EYS: variants seen among roughly 807,000 people sequenced by gnomAD.
The protein encoded by EYS is EGF-like photoreceptor maintenance factor, also known as protein eyes shut homolog.
A neutral mutation model predicts 282.1 loss-of-function variants in EYS; 250 were observed. The ratio of observed to expected loss-of-function variants is 0.89; its 90% CI spans 0.80 to 0.98. The LOEUF is 0.98. EYS is among the 50% of genes least tolerant of loss of function. The pLI, the probability that EYS is intolerant of heterozygous loss-of-function variation, is 0.00. For synonymous variants in EYS, 1,355 were observed against 1,282.9 expected, an observed-to-expected ratio of 1.06 and a Z score of -1.20; for missense variants, 4,016 against 3,709.0, an observed-to-expected ratio of 1.08 and a Z score of -2.15.
chr6:65,372,207 C>A (rs1765185061), intron 8 of EYS, among the ~76,000 whole-genome samples: 1 of 151,784 alleles, frequency 6.6e-6, no homozygotes, highest in Non-Finnish European at 1.5e-5. Flanking sequence ...AGAAGAGAAT[C>A]AAAGGAGCTT....
intron 26 of EYS, among the ~76,000 whole-genome samples, chr6:64,476,741 G>A (rs879257111): frequency 6.6e-6 from 1 of 151,958 alleles, no homozygotes; most frequent in Non-Finnish European, 1.5e-5. Flanking sequence ...TATGTCATAA[G>A]GGAACACACA....
At chr6:64,448,925 G>A (rs768673335) in intron 26 of EYS, among the ~76,000 whole-genome samples, 13 of 152,212 alleles carry the variant, frequency 8.5e-5, no homozygotes, top group Non-Finnish European at 1.8e-4. Flanking sequence ...GCAGAAAAAT[G>A]GGAAACTCTA....
intron 22 of EYS, among the ~76,000 whole-genome samples, chr6:64,703,410 C>CACACACACACACATATATATAT (rs1447947508): frequency 1.9e-5 from 1 of 51,546 alleles, no homozygotes; most frequent in Non-Finnish European, 3.7e-5. Context: ...CACACACACA[C>CACACACACACACATATATATAT]ATATATATAT....
chr6:65,109,806 A>G (rs2150188293), intron 12 of EYS, among the ~76,000 whole-genome samples: 1 of 152,290 alleles, frequency 6.6e-6, no homozygotes, highest in African/African-American at 2.4e-5. Context: ...AAACTCTGCT[A>G]TAGAACCTGC....
intron 12 of EYS, among the ~76,000 whole-genome samples, chr6:65,100,054 G>A (rs1774849159): frequency 6.6e-6 from 1 of 150,776 alleles, no homozygotes; most frequent in Non-Finnish European, 1.5e-5. Flanking sequence ...ATATAGAGAA[G>A]ATACTTTAGA....
intron 22 of EYS, among the ~76,000 whole-genome samples, chr6:64,674,703 G>A (rs1769589499): frequency 6.7e-6 from 1 of 149,860 alleles, no homozygotes; most frequent in Admixed American, 6.7e-5. Flanking sequence ...TCTTTTATCT[G>A]TTATGCCTCT....
Position 63,945,088 on chromosome 6 carries a change from A to T in EYS, c.7055+39295T>A, listed in dbSNP as rs146938104. Among the ~76,000 whole-genome samples the T allele has an allele frequency of 1.8e-3, 267 of 152,322 alleles. 1 individual carries two copies. The highest frequency in any genetic ancestry group is 6.1e-3 in the African/African-American group (253 of 41,580). ...TATTTAATGACAATATGATTTAGCC[A>T]TTATATTAGTACTTTCTCACACTGC... On this transcript the variant is annotated intron_variant, in intron 35 of 42. Transcript: ENST00000503581.
In EYS at chr6:64,663,574, A is replaced by C. The variant is rs926443106; in HGVS notation, c.3444-37329T>G. On this transcript the variant is annotated intron_variant, in intron 22 of 42. Coordinates refer to ENST00000503581, the MANE Select transcript of EYS (RefSeq NM_001142800.2). ...TGGACCTGGCTGATGATGTATTACC[A>C]ATGTCCATATCAGCAAAAAAAGTGA... Among the ~76,000 whole-genome samples the C allele has an allele frequency of 1.3e-5, 2 of 152,158 alleles. 1 individual carries two copies. The highest frequency in any genetic ancestry group is 4.1e-4 in the South Asian group (2 of 4,832).
At chr6:64,871,516 C>T (rs1306628976) in intron 19 of EYS, among the ~76,000 whole-genome samples, 1 of 151,820 alleles carries the variant, frequency 6.6e-6, no homozygotes, top group African/African-American at 2.4e-5. Context: ...AAATGAAATA[C>T]AATACTTTTG....
At position 65,271,814 on chromosome 6, in the gene EYS, C is replaced by T. The variant is rs149973203; in HGVS notation, c.2023+24049G>A. Among the ~76,000 whole-genome samples, 513 of 152,116 alleles carry T rather than the reference C, an allele frequency of 3.4e-3. 2 individuals are homozygous for T. The highest frequency in any genetic ancestry group is 6.5e-3 in the Admixed American group (99 of 15,260). On this transcript the variant is annotated intron_variant, in intron 12 of 42. Transcript: ENST00000503581. Reference sequence around the variant, plus strand: ...GGCCAGGCTAGTCTTGAACTCCTGACGTCAAGCGATCCACCTGCCTCAGCC... The same window carrying T: ...GGCCAGGCTAGTCTTGAACTCCTGATGTCAAGCGATCCACCTGCCTCAGCC...
At chr6:65,402,670 T>G in intron 6 of EYS, 65 bp from the exon 7 acceptor site, 1 of 1,074,288 alleles carries the variant, frequency 9.3e-7, no homozygotes, top group Non-Finnish European at 1.4e-6. Context: ...ATGAATGGGT[T>G]CTTACCTGGA....
intron 35 of EYS, among the ~76,000 whole-genome samples, chr6:63,952,660 T>G (rs2149767300): frequency 6.6e-6 from 1 of 152,310 alleles, no homozygotes; most frequent in Middle Eastern, 3.4e-3. Context: ...TTTAACTAAA[T>G]TATCTGCTTC....
At chr6:64,529,122 G>A (rs1778018130) in intron 26 of EYS, among the ~76,000 whole-genome samples, 2 of 151,866 alleles carry the variant, frequency 1.3e-5, no homozygotes, top group Non-Finnish European at 2.9e-5. Context: ...CTTAGGTCAG[G>A]ATTAAATCTG....
chr6:65,398,441 A>C (rs895813965), intron 7 of EYS, among the ~76,000 whole-genome samples: 4 of 151,924 alleles, frequency 2.6e-5, no homozygotes, highest in African/African-American at 9.7e-5. Context: ...ATAAAACTAG[A>C]CCCCTATCTT....
chr6:64,684,700 C>A (rs1397189773), intron 22 of EYS, among the ~76,000 whole-genome samples: 2 of 151,864 alleles, frequency 1.3e-5, no homozygotes, highest in Non-Finnish European at 2.9e-5. Flanking sequence ...AAGTTTTTGA[C>A]ATTTTATAAG....
At chr6:63,766,715 T>G (rs1582186873) in intron 40 of EYS, among the ~76,000 whole-genome samples, 1 of 152,134 alleles carries the variant, frequency 6.6e-6, no homozygotes, top group Non-Finnish European at 1.5e-5. Flanking sequence ...AGAGAAGGAA[T>G]CTAAGGAAGA....
At chr6:63,878,463 C>T (rs1260584173) in intron 35 of EYS, among the ~76,000 whole-genome samples, 2 of 152,216 alleles carry the variant, frequency 1.3e-5, no homozygotes, top group Non-Finnish European at 1.5e-5. Context: ...ATTCTCAGAT[C>T]TCAAACTCCA....
chr6:64,472,129 A>G (rs1582796112), intron 26 of EYS, among the ~76,000 whole-genome samples: 1 of 152,354 alleles, frequency 6.6e-6, no homozygotes, highest in Non-Finnish European at 1.5e-5. Flanking sequence ...GTACTATAAA[A>G]GGAAATGGAA....
At chr6:64,268,833 G>C (rs1767849174) in intron 30 of EYS, among the ~76,000 whole-genome samples, 1 of 152,114 alleles carries the variant, frequency 6.6e-6, no homozygotes, top group South Asian at 2.1e-4. Flanking sequence ...GGTTGTATTT[G>C]GAGATTTGCC....
Sources: allele counts gnomAD v4.1 joint callset (sites outside exome capture counted in the v4.1 genomes callset), GRCh38; gene constraint gnomAD v4.1.1; transcripts MANE v1.5; gene names NCBI Gene and HGNC (gene_info 2026-07-23, HGNC 2026-07-21).